Variants in ALK observed in about 807,000 individuals in gnomAD.
The protein encoded by ALK is ALK receptor tyrosine kinase.
In ALK, 74 loss-of-function variants were observed where a neutral mutation model predicts 163.1. The ratio of observed to expected loss-of-function variants is 0.45; its 90% CI spans 0.38 to 0.55. The LOEUF (loss-of-function observed/expected upper bound fraction) is 0.55, where lower values mean the gene tolerates loss of function less well. ALK is among the 20% of genes least tolerant of loss of function. ALK has a pLI of 0.00. For missense variants in ALK, 2,063 were observed against 2,105.3 expected (o/e 0.98, Z 0.39); for synonymous variants, 960 against 843.2 (o/e 1.14, Z -2.40).
rs58490938 is a variant in ALK at position 29,900,995 on chromosome 2, GAGCAAGCAAGCAAGCAAGCAAGCA to G, written c.667+18974_667+18997del. Among the ~76,000 whole-genome samples the G allele has an allele frequency of 8.8e-3, 1,308 of 148,696 alleles. 21 individuals are homozygous for G. Among genetic ancestry groups the G allele is most frequent in the African/African-American group, 0.031 (1,266 of 40,324 alleles). ...AAAGAAAGAAAGAGAGAGAGAGAGA[GAGCAAGCAAGCAAGCAAGCAAGCA>G]AGCAAGCAAGCAAGCTTTTCCTCAT... On this transcript the variant is annotated intron_variant, in intron 1 of 28. Transcript: ENST00000389048.
chr2:29,335,348 TTAATAGC>T (rs2148265431), intron 5 of ALK, among the ~76,000 whole-genome samples: 1 of 152,328 alleles, frequency 6.6e-6, no homozygotes, highest in South Asian at 2.1e-4. Context: ...ATATAGCATT[TTAATAGC>T]TTACAATGTG....
At chr2:29,762,596 CTGAAG>C (rs1360141038) in intron 1 of ALK, among the ~76,000 whole-genome samples, 10 of 152,176 alleles carry the variant, frequency 6.6e-5, no homozygotes, top group African/African-American at 2.4e-4. Context: ...TCAGTTATGG[CTGAAG>C]TGAAGTTAGC....
chr2:29,792,108 C>T (rs1449562142), intron 1 of ALK, among the ~76,000 whole-genome samples: 1 of 152,144 alleles, frequency 6.6e-6, no homozygotes, highest in African/African-American at 2.4e-5. Flanking sequence ...TCTGTTGCAA[C>T]AAATAGCTAA....
chr2:29,308,896 C>A (rs1666618174), intron 8 of ALK, among the ~76,000 whole-genome samples: 1 of 146,132 alleles, frequency 6.8e-6, no homozygotes, highest in African/African-American at 2.5e-5. Flanking sequence ...AAGTTTCTGT[C>A]TGGTTTTTTT....
At chr2:29,829,455 T>G (rs1486406534) in intron 1 of ALK, among the ~76,000 whole-genome samples, 1 of 152,146 alleles carries the variant, frequency 6.6e-6, no homozygotes, top group Admixed American at 6.5e-5. Flanking sequence ...TCCAGGTGGT[T>G]GTTTGTAAGA....
At position 29,418,893 on chromosome 2, in the gene ALK, T is replaced by A. The variant is rs542432670; in HGVS notation, c.1155-35034A>T. On this transcript the variant is annotated intron_variant, in intron 4 of 28. Coordinates refer to ENST00000389048, the MANE Select transcript of ALK (RefSeq NM_004304.5). ...GTTGATCACTCATTCACTTATATAT[T>A]CATTCATCATTGAAAAATTATTTTT... is the stretch of plus-strand genomic sequence containing the variant. Among the ~76,000 whole-genome samples the A allele has an allele frequency of 2.3e-4, 35 of 151,902 alleles. 1 individual carries two copies. The highest frequency in any genetic ancestry group is 1.2e-3 in the Admixed American group (18 of 15,286).
rs186276766 is a variant in ALK, at chr2:29,319,856, A to G, written c.1546+895T>C. On this transcript the variant is annotated intron_variant, in intron 7 of 28. Coordinates refer to ENST00000389048, the MANE Select transcript of ALK (RefSeq NM_004304.5). ...CTGCTGCACAGTGGGGACTGAGCCA[A>G]CTCACTGTTCAACAAATAAGCATTG... Among the ~76,000 whole-genome samples, 265 of 152,364 alleles carry G rather than the reference A, an allele frequency of 1.7e-3. 2 individuals carry two copies. Among genetic ancestry groups the G allele is most frequent in the Non-Finnish European group, 2.2e-3 (149 of 68,038 alleles).
intron 3 of ALK, among the ~76,000 whole-genome samples, chr2:29,614,807 T>C (rs992097243): frequency 1.3e-5 from 2 of 152,174 alleles, no homozygotes; most frequent in African/African-American, 4.8e-5. Flanking sequence ...AGTAATTTTC[T>C]ATACACAGAC....
rs1415067406 is a variant in ALK, at chr2:29,214,199, G to A, written c.3646-118C>T. 5 of 838,706 alleles carry A rather than the reference G, an allele frequency of 6.0e-6. No individual in the cohort carries two copies. The African/African-American group carries it at 8.4e-5, about 14-fold the overall frequency. 52.0% of individuals were successfully genotyped at this position (838,706 alleles called of 1,614,324 possible). On this transcript the variant is annotated intron_variant, in intron 23 of 28. Transcript: ENST00000389048. ...AGACCGTGAACATGCAGCTACACCA[G>A]GGGCCTCGGCCCTGGCTGCACATTA...
Position 29,441,254 on chromosome 2 carries a change from G to A in ALK, c.1155-57395C>T, listed in dbSNP as rs188199584. Among the ~76,000 whole-genome samples the A allele has an allele frequency of 3.2e-3, 485 of 152,396 alleles. 2 individuals carry two copies. Among genetic ancestry groups the A allele is most frequent in the African/African-American group, 0.011 (456 of 41,598 alleles). ...GGGGTCTCCCTGTGTACCTCACAAA[G>A]GAACTCAAAGGCAGAGTGCCATTAA... is the stretch of plus-strand genomic sequence containing the variant. On this transcript the variant is annotated intron_variant, in intron 4 of 28. Transcript: ENST00000389048.
At chr2:29,495,980 A>G (rs2148128134) in intron 4 of ALK, among the ~76,000 whole-genome samples, 1 of 152,224 alleles carries the variant, frequency 6.6e-6, no homozygotes, top group East Asian at 1.9e-4. Flanking sequence ...AAAGAGCACA[A>G]CCTCACATTT....
At chr2:29,494,013 G>T (rs956659060) in intron 4 of ALK, among the ~76,000 whole-genome samples, 1 of 152,206 alleles carries the variant, frequency 6.6e-6, no homozygotes, top group African/African-American at 2.4e-5. Context: ...CTTGTCGTGG[G>T]CCCTCAGGCA....
chr2:29,678,002 T>A lies in ALK; in HGVS notation c.952+16848A>T, dbSNP rs561358307. The stretch of plus-strand genomic sequence containing the variant: ...TCAGATTTTAATATTTCTTCCTGAA[T>A]TGGTTTTGGTAATTTGTGTGTCTCT... On this transcript the variant is annotated intron_variant, in intron 3 of 28. Transcript: ENST00000389048. Among the ~76,000 whole-genome samples the A allele has an allele frequency of 2.7e-4, 41 of 152,158 alleles. No homozygotes were observed. In the East Asian group the frequency reaches 7.3e-3, roughly 27 times the overall value.
chr2:29,450,072 C>G (rs1670783404), intron 4 of ALK, among the ~76,000 whole-genome samples: 1 of 152,076 alleles, frequency 6.6e-6, no homozygotes, highest in Non-Finnish European at 1.5e-5. Context: ...AAATGCTGTC[C>G]CCTTCCTGCT....
At chr2:29,413,615 T>C (rs890232714) in intron 4 of ALK, among the ~76,000 whole-genome samples, 1 of 152,154 alleles carries the variant, frequency 6.6e-6, no homozygotes, top group Non-Finnish European at 1.5e-5. Context: ...CACTGCAACC[T>C]CCACCTCCCA....
intron 1 of ALK, among the ~76,000 whole-genome samples, chr2:29,900,498 T>G (rs1667383371): frequency 6.6e-6 from 1 of 152,246 alleles, no homozygotes; most frequent in South Asian, 2.1e-4. Flanking sequence ...AGGCAAAACG[T>G]AAGCACACTC....
At chr2:29,436,471 C>G (rs942637567) in intron 4 of ALK, among the ~76,000 whole-genome samples, 2 of 152,198 alleles carry the variant, frequency 1.3e-5, no homozygotes, top group African/African-American at 4.8e-5. Flanking sequence ...ATTATTACCT[C>G]CAAACTCTTC....
intron 4 of ALK, among the ~76,000 whole-genome samples, chr2:29,408,330 C>T (rs145092741): frequency 0.015 from 2,228 of 151,930 alleles, 39 homozygotes; most frequent in African/African-American, 0.051. Context: ...CCTCATGATC[C>T]GCCTGCCTCG....
chr2:29,706,115 T>G (rs115027742), intron 2 of ALK, among the ~76,000 whole-genome samples: 1,623 of 152,320 alleles, frequency 0.011, 30 homozygotes, highest in African/African-American at 0.036. Flanking sequence ...CAGACCTCAG[T>G]GTCCTCATCT....
Sources: allele counts gnomAD v4.1 joint callset (sites outside exome capture counted in the v4.1 genomes callset), GRCh38; gene constraint gnomAD v4.1.1; transcripts MANE v1.5; gene names NCBI Gene and HGNC (gene_info 2026-07-23, HGNC 2026-07-21).